Variants in DDX4 observed in about 807,000 individuals in gnomAD.
DDX4 encodes probable ATP-dependent RNA helicase DDX4.
DDX4 carries 25 observed loss-of-function variants against 100.0 expected under a neutral mutation model. That is an observed-to-expected ratio of 0.25 (90% CI 0.18 to 0.35). DDX4 has a LOEUF of 0.35. DDX4 is among the 10% of genes least tolerant of loss of function. The pLI, the probability that DDX4 is intolerant of heterozygous loss-of-function variation, is 1.00. For synonymous variants in DDX4, 259 were observed against 275.7 expected, an observed-to-expected ratio of 0.94 and a Z score of 0.60; for missense variants, 635 against 882.4, an observed-to-expected ratio of 0.72 and a Z score of 3.55.
At chr5:55,792,346 AT>A (rs922088093) in intron 16 of DDX4, among the ~76,000 whole-genome samples, 11 of 150,110 alleles carry the variant, frequency 7.3e-5, no homozygotes, top group African/African-American at 1.5e-4. Context: ...ACAGTATTTT[AT>A]TTTTTTTTAT....
chr5:55,781,241 T>C (rs1374146243), intron 9 of DDX4, 95 bp downstream of exon 9: 1 of 956,566 alleles, frequency 1.0e-6, no homozygotes, highest in African/African-American at 1.7e-5. Context: ...AGTATACTAG[T>C]TTGGCTTATG....
At chr5:55,787,300 G>C (rs1271736717) in intron 14 of DDX4, among the ~76,000 whole-genome samples, 4 of 152,110 alleles carry the variant, frequency 2.6e-5, no homozygotes, top group African/African-American at 9.7e-5. Context: ...TGTTAAACGT[G>C]GTTTTGGAGG....
rs572744579 is a variant in DDX4 at position 55,807,671 on chromosome 5, A to G, written c.1616-6002A>G. ...TGGCCCCCACTCTCTTCTGACTTGT[A>G]GAGTTTCTGCCGAGAGATCAGCTGT... is the stretch of plus-strand genomic sequence containing the variant. On this transcript the variant is annotated intron_variant, in intron 18 of 21. Coordinates refer to ENST00000505374, the MANE Select transcript of DDX4 (RefSeq NM_024415.3). 1.3e-3 allele frequency among the ~76,000 whole-genome samples: 200 copies of G among 152,304 alleles called. 1 individual carries two copies. Among genetic ancestry groups the G allele is most frequent in the Non-Finnish European group, 5.6e-4 (38 of 68,018 alleles).
At chr5:55,756,877 C>A (rs1242346125) in intron 3 of DDX4, among the ~76,000 whole-genome samples, 1 of 151,788 alleles carries the variant, frequency 6.6e-6, no homozygotes, top group Non-Finnish European at 1.5e-5. Context: ...ATTTTTATTG[C>A]TATGTATAAT....
chr5:55,769,176 A>C (rs1167644612), intron 7 of DDX4, among the ~76,000 whole-genome samples: 1 of 152,074 alleles, frequency 6.6e-6, no homozygotes, highest in Admixed American at 6.6e-5. Context: ...TGGCATCTTC[A>C]TCACAGAATC....
chr5:55,806,701 A>G (rs1372675541), intron 18 of DDX4, among the ~76,000 whole-genome samples: 1 of 152,034 alleles, frequency 6.6e-6, no homozygotes, highest in Non-Finnish European at 1.5e-5. Flanking sequence ...AGTTTGTTAT[A>G]ATTTCTGTTC....
chr5:55,776,615 A>G (rs1277484555), intron 7 of DDX4, among the ~76,000 whole-genome samples: 1 of 152,242 alleles, frequency 6.6e-6, no homozygotes, highest in African/African-American at 2.4e-5. Context: ...ATGTAATAGC[A>G]TAGTATATTC....
intron 18 of DDX4, among the ~76,000 whole-genome samples, chr5:55,809,689 T>C (rs1743993368): frequency 6.6e-6 from 1 of 152,146 alleles, no homozygotes; most frequent in Admixed American, 6.6e-5. Context: ...AAAGACAAAA[T>C]GGGAACTGAG....
intron 10 of DDX4, among the ~76,000 whole-genome samples, chr5:55,782,644 C>A (rs911261515): frequency 2.6e-5 from 4 of 151,842 alleles, no homozygotes; most frequent in African/African-American, 9.7e-5. Context: ...AAATAATAAT[C>A]ATGAAATGAG....
chr5:55,789,803 C>T (rs1309750554), intron 15 of DDX4, among the ~76,000 whole-genome samples: 2 of 152,060 alleles, frequency 1.3e-5, no homozygotes, highest in Non-Finnish European at 2.9e-5. Context: ...GCCAGCCTTA[C>T]CCACACTGAA....
At position 55,813,471 on chromosome 5, in the gene DDX4, C is replaced by T. The variant is rs998304287; in HGVS notation, c.1616-202C>T. Among the ~76,000 whole-genome samples the T allele has an allele frequency of 1.3e-4, 20 of 152,264 alleles. 1 individual carries two copies. The highest frequency in any genetic ancestry group is 4.3e-4 in the African/African-American group (18 of 41,554). ...GGAAAGAGAAGCTAATTTTTTAAAT[C>T]CCTCAACTAGGAAAACAGTCCTGTG... On this transcript the variant is annotated intron_variant, in intron 18 of 21. Transcript: ENST00000505374.
At position 55,801,219 on chromosome 5, in the gene DDX4, T is replaced by G. The variant is rs111632404; in HGVS notation, c.1615+2648T>G. 4.1e-3 allele frequency among the ~76,000 whole-genome samples: 616 copies of G among 150,478 alleles called. 2 individuals are homozygous for G. The highest frequency in any genetic ancestry group is 0.01 in the Middle Eastern group (3 of 292). ...TTTCTTAAAACATGATGGGGTGTTT[T>G]TTTTTTTTTTTTTTGCGATTAAAAA... On this transcript the variant is annotated intron_variant, in intron 18 of 21. Coordinates refer to ENST00000505374, the MANE Select transcript of DDX4 (RefSeq NM_024415.3).
At chr5:55,788,683 A>T (rs1337335341) in intron 15 of DDX4, among the ~76,000 whole-genome samples, 5 of 152,196 alleles carry the variant, frequency 3.3e-5, no homozygotes, top group Non-Finnish European at 7.3e-5. Flanking sequence ...CCATGTGTAT[A>T]CATTTTATTT....
In DDX4 at chr5:55,804,220, T is replaced by C. The variant is rs866651074; in HGVS notation, c.1615+5649T>C. On this transcript the variant is annotated intron_variant, in intron 18 of 21. Transcript: ENST00000505374. The stretch of plus-strand genomic sequence containing the variant: ...TGAGTTCATTGTAGATTCTGGATAT[T>C]AGCCCTTTGTCAGATGAGTAGGTTG... 2.0e-5 allele frequency among the ~76,000 whole-genome samples: 3 copies of C among 152,242 alleles called. No individual in the cohort carries two copies. In the South Asian group the frequency reaches 6.2e-4, roughly 32 times the overall value.
chr5:55,759,251 C>T (rs1760142232), intron 3 of DDX4, among the ~76,000 whole-genome samples: 1 of 151,668 alleles, frequency 6.6e-6, no homozygotes, highest in African/African-American at 2.4e-5. Context: ...GGCTATTAAG[C>T]TTATTGAGTT....
intron 7 of DDX4, among the ~76,000 whole-genome samples, chr5:55,779,406 C>T (rs1315392498): frequency 1.3e-5 from 2 of 152,150 alleles, no homozygotes; most frequent in African/African-American, 4.8e-5. Flanking sequence ...CCAGTTGGCA[C>T]TTTGGTTTTG....
At chr5:55,749,742 G>A (rs1033713471) in intron 3 of DDX4, among the ~76,000 whole-genome samples, 8 of 150,424 alleles carry the variant, frequency 5.3e-5, no homozygotes, top group Admixed American at 2.0e-4. Flanking sequence ...GCTGTTTGTG[G>A]GAGGAAGTTT....
intron 2 of DDX4, among the ~76,000 whole-genome samples, chr5:55,745,322 A>G (rs1478345331): frequency 6.6e-6 from 1 of 152,264 alleles, no homozygotes; most frequent in African/African-American, 2.4e-5. Flanking sequence ...TGATGAATAT[A>G]CTGTAATATA....
intron 7 of DDX4, among the ~76,000 whole-genome samples, chr5:55,771,191 T>C (rs2111889454): frequency 6.6e-6 from 1 of 152,344 alleles, no homozygotes; most frequent in Non-Finnish European, 1.5e-5. Flanking sequence ...AGTTCAATTA[T>C]GTTTCACAAA....
Sources: gnomAD v4.1 joint callset for allele counts (sites outside exome capture counted in the v4.1 genomes callset) on GRCh38, gnomAD v4.1.1 for gene constraint, MANE v1.5 for transcripts, NCBI Gene and HGNC (gene_info 2026-07-23, HGNC 2026-07-21) for gene names.